The following JAK2 variants were observed in gnomAD, a reference collection of about 807,000 sequenced individuals.
JAK2 encodes the protein Janus kinase 2.
In JAK2, 86 loss-of-function variants were observed where a neutral mutation model predicts 139.3. The observed-to-expected ratio is 0.62, with a 90% CI of 0.52 to 0.74. The LOEUF (loss-of-function observed/expected upper bound fraction) is 0.74. Ranked by LOEUF, JAK2 falls within the 30% of genes least tolerant of loss-of-function variation. JAK2 has a pLI of 0.00. For synonymous variants in JAK2, 490 were observed against 437.7 expected, an observed-to-expected ratio of 1.12 and a Z score of -1.49; for missense variants, 1,421 against 1,360.3, an observed-to-expected ratio of 1.04 and a Z score of -0.70.
chr9:5,048,684 T>C (rs1282329015), intron 5 of JAK2, among the ~76,000 whole-genome samples: 2 of 152,206 alleles, frequency 1.3e-5, no homozygotes, highest in African/African-American at 4.8e-5. Flanking sequence ...TTTATTTTCT[T>C]ATATGAAAAT....
chr9:5,033,753 A>G (rs1823346037), intron 4 of JAK2, among the ~76,000 whole-genome samples: 1 of 152,228 alleles, frequency 6.6e-6, no homozygotes, highest in South Asian at 2.1e-4. Flanking sequence ...CTAAACATAG[A>G]AAGGAACAAC....
chr9:4,991,783 A>G (rs1490524753), intron 2 of JAK2, among the ~76,000 whole-genome samples: 1 of 146,034 alleles, frequency 6.8e-6, no homozygotes, highest in African/African-American at 2.5e-5. Flanking sequence ...TTTATAATGA[A>G]TGAATTGTTT....
intron 2 of JAK2, among the ~76,000 whole-genome samples, chr9:4,988,526 A>G (rs184213308): frequency 1.4e-4 from 22 of 152,202 alleles, no homozygotes; most frequent in Non-Finnish European, 3.2e-4. Context: ...AAAATTTGCT[A>G]AGACTCAGAG....
intron 23 of JAK2, among the ~76,000 whole-genome samples, chr9:5,124,803 T>A (rs1404229900): frequency 6.6e-6 from 1 of 151,576 alleles, no homozygotes; most frequent in Non-Finnish European, 1.5e-5. Context: ...GAACATACAT[T>A]CAAGTTTTTT....
rs759468230 is a variant in JAK2, at chr9:5,069,048, CTGTT to C, written c.1356_1359del (p.Cys452Ter). The C allele has an allele frequency of 6.3e-7, 1 of 1,598,884 alleles. No individual in the cohort carries two copies. Among genetic ancestry groups the C allele is most frequent in the Middle Eastern group, 1.7e-4 (1 of 5,980 alleles). The stretch of plus-strand genomic sequence containing the variant: ...GAGAAAATGTCATTGAATATAAACA[CTGTT>C]TGATTACAAAAAATGAGAATGAAGA... On this transcript the variant is annotated frameshift_variant, in exon 11 of 25. Transcript: ENST00000381652. LOFTEE classifies it high-confidence loss of function.
chr9:5,098,501 C>G (rs1265695327), intron 22 of JAK2: 1 of 152,124 alleles, frequency 6.6e-6, no homozygotes, highest in East Asian at 1.9e-4. Context: ...CTCATATTAG[C>G]ACCACAGATG....
chr9:5,029,727 T>C (rs1823020626), intron 3 of JAK2, 56 bp from the exon 4 acceptor site: 10 of 1,442,566 alleles, frequency 6.9e-6, no homozygotes, highest in Non-Finnish European at 9.4e-6. Flanking sequence ...ATAGGTGCTA[T>C]GTAAAAATAT....
At chr9:5,112,528 G>T (rs1822698158) in intron 22 of JAK2, 2 of 589,776 alleles carry the variant, frequency 3.4e-6, no homozygotes, top group Non-Finnish European at 6.1e-6. Context: ...AGAGCAGAAG[G>T]CCGAGTGGGA....
intron 2 of JAK2, among the ~76,000 whole-genome samples, chr9:4,999,525 G>T (rs953370223): frequency 6.6e-6 from 1 of 152,180 alleles, no homozygotes; most frequent in Non-Finnish European, 1.5e-5. Flanking sequence ...TAGAAGGACA[G>T]AACTAATAGG....
rs190290716 is a variant in JAK2 at position 5,081,910 on chromosome 9, A to T, written c.2571+49A>T. The T allele has an allele frequency of 2.7e-3, 3,951 of 1,482,746 alleles. 12 individuals carry two copies. The highest frequency in any genetic ancestry group is 3.3e-3 in the Non-Finnish European group (3,548 of 1,069,922). The allele number at this position is 1,482,746 out of a possible 1,614,324, so 91.8% of individuals were successfully genotyped here. A position where few individuals can be genotyped will look rare whatever the true frequency, so the allele number is the denominator to read the frequency against. On this transcript the variant is annotated intron_variant, in intron 19 of 24. Transcript: ENST00000381652. ...ATAGAGTATAATCATTTCATTTAGG[A>T]AAAACTTAAGAGCGTTTCTAAAGTT...
chr9:5,044,951 T>G lies in JAK2; in HGVS notation c.468+431T>G, dbSNP rs555462960. Among the ~76,000 whole-genome samples, 25 of 152,270 alleles carry G rather than the reference T, an allele frequency of 1.6e-4. 1 individual carries two copies. The highest frequency in any genetic ancestry group is 5.8e-4 in the African/African-American group (24 of 41,560). On this transcript the variant is annotated intron_variant, in intron 5 of 24. Coordinates refer to ENST00000381652, the MANE Select transcript of JAK2 (RefSeq NM_004972.4). Reference sequence around the variant, plus strand: ...AAGTAGGTTACATAAAAAAATGAGCTCTGATAGTTTGTTTAGCTGTTTATA... The same window carrying G: ...AAGTAGGTTACATAAAAAAATGAGCGCTGATAGTTTGTTTAGCTGTTTATA...
Position 5,070,058 on chromosome 9 carries a change from T to A in JAK2, c.1641+6T>A. The A allele has an allele frequency of 4.4e-6, 7 of 1,592,932 alleles. No homozygotes were observed. The highest frequency in any genetic ancestry group is 6.0e-6 in the Non-Finnish European group (7 of 1,166,684). On this transcript the variant is annotated splice_donor_region_variant and intron_variant, in intron 12 of 24. Coordinates refer to ENST00000381652, the MANE Select transcript of JAK2 (RefSeq NM_004972.4). The stretch of plus-strand genomic sequence containing the variant: ...GAAATGAAGATTTGATATTTGTAAG[T>A]CATTAGATACTCATTACTGTCTTTT...
At chr9:5,112,506 C>T (rs1586820440) in intron 22 of JAK2, 2 of 564,468 alleles carry the variant, frequency 3.5e-6, no homozygotes, top group Non-Finnish European at 3.2e-6. Context: ...AGGAAGATGA[C>T]CTTTTCCCCC....
In JAK2 at chr9:5,126,870, T is replaced by A. The variant is rs1824034571; in HGVS notation, c.*79T>A. ...ATTTCACATTGCTGTGGACTATTAT[T>A]ACATATATCATTATTATATAAATCA... On this transcript the variant is annotated 3_prime_UTR_variant, in exon 25 of 25. Coordinates refer to ENST00000381652, the MANE Select transcript of JAK2 (RefSeq NM_004972.4). 1.4e-6 allele frequency: 1 copy of A among 725,824 alleles called. No homozygotes were observed. The highest frequency in any genetic ancestry group is 2.3e-6 in the Non-Finnish European group (1 of 435,900). 45.0% of individuals were successfully genotyped at this position (725,824 alleles called of 1,614,324 possible).
At chr9:4,992,089 G>A (rs923073795) in intron 2 of JAK2, among the ~76,000 whole-genome samples, 4 of 152,206 alleles carry the variant, frequency 2.6e-5, no homozygotes, top group Admixed American at 2.6e-4. Flanking sequence ...ACTAGGACAT[G>A]AGTTGGGAAG....
intron 22 of JAK2, chr9:5,111,205 G>C (rs558154498): frequency 9.6e-6 from 6 of 626,348 alleles, no homozygotes; most frequent in Admixed American, 4.3e-5. Flanking sequence ...ACCGGGACTC[G>C]GAGGCAAGAG....
intron 22 of JAK2, among the ~76,000 whole-genome samples, chr9:5,096,052 A>T (rs983615458): frequency 6.6e-6 from 1 of 152,166 alleles, no homozygotes; most frequent in African/African-American, 2.4e-5. Flanking sequence ...CAATAGTCTT[A>T]TTACCCCAAC....
At chr9:5,120,986 T>C (rs1437348822) in intron 22 of JAK2, among the ~76,000 whole-genome samples, 2 of 152,192 alleles carry the variant, frequency 1.3e-5, no homozygotes, top group African/African-American at 4.8e-5. Flanking sequence ...AAGATATGGT[T>C]ATAAATTTGG....
intron 22 of JAK2, among the ~76,000 whole-genome samples, chr9:5,093,194 T>C (rs1027921060): frequency 1.3e-5 from 2 of 152,334 alleles, no homozygotes; most frequent in South Asian, 4.1e-4. Flanking sequence ...ATAAGCATCC[T>C]ATTATTTATA....
Sources: allele counts gnomAD v4.1 joint callset (sites outside exome capture counted in the v4.1 genomes callset), GRCh38; gene constraint gnomAD v4.1.1; transcripts MANE v1.5; gene names NCBI Gene and HGNC (gene_info 2026-07-23, HGNC 2026-07-21).